MLXIP: variants seen among roughly 807,000 people sequenced by gnomAD.
MLXIP encodes the protein MLX-interacting protein.
MLXIP carries 30 observed loss-of-function variants against 87.2 expected under a neutral mutation model. The observed-to-expected ratio is 0.34, with a 90% CI of 0.26 to 0.47. MLXIP has a LOEUF of 0.47. Among genes scored for constraint, MLXIP ranks in the 20% least tolerant of loss-of-function variants. MLXIP has a pLI of 1.00. For missense variants in MLXIP, 1,002 were observed against 1,240.1 expected, an observed-to-expected ratio of 0.81 and a Z score of 2.88; for synonymous variants, 530 against 514.0, an observed-to-expected ratio of 1.03 and a Z score of -0.42.
intron 1 of MLXIP, among the ~76,000 whole-genome samples, chr12:122,086,373 G>A (rs897121946): frequency 2.0e-5 from 3 of 152,136 alleles, no homozygotes; most frequent in African/African-American, 7.2e-5. Flanking sequence ...GTGGGTCCTC[G>A]GCACCAGCGA....
At position 122,079,234 on chromosome 12, in the gene MLXIP, C is replaced by T. The variant is rs1249063543; in HGVS notation, c.381C>T (p.Thr127=). 3 of 1,551,224 alleles carry T rather than the reference C, an allele frequency of 1.9e-6. No individual in the cohort carries two copies. The highest frequency in any genetic ancestry group is 2.6e-6 in the Non-Finnish European group (3 of 1,146,792). ...ACCTGTCCATCGACGCCTCGCTCAC[C>T]AAGCTCTTCGAGTGCATGACTTTGG... ...SCHLSIDASL[T]KLFECMTLAY... is the part of the protein sequence containing the mutation. The change falls in exon 1 of 17, where the codon ACC becomes ACT. Residue 127 remains threonine, a synonymous_variant. Coordinates refer to ENST00000319080, the MANE Select transcript of MLXIP (RefSeq NM_014938.6).
intron 1 of MLXIP, among the ~76,000 whole-genome samples, chr12:122,084,428 G>T (rs1161330283): frequency 6.6e-6 from 1 of 152,208 alleles, no homozygotes; most frequent in Non-Finnish European, 1.5e-5. Context: ...CCTGGGGAAA[G>T]AGTCCAGGTG....
intron 5 of MLXIP, 155 bp from the exon 6 acceptor site, chr12:122,129,786 T>G (rs1593107111): frequency 5.5e-6 from 7 of 1,282,148 alleles, no homozygotes. Context: ...CTCTCCTGGG[T>G]GGGCTGGAGG....
At position 122,135,536 on chromosome 12, in the gene MLXIP, C is replaced by T. The variant is rs375153509; in HGVS notation, c.1902C>T (p.Leu634=). The T allele has an allele frequency of 6.4e-5, 103 of 1,607,354 alleles. No homozygotes were observed. In the African/African-American group the frequency reaches 1.2e-3, roughly 19 times the overall value. The part of the protein sequence containing the change: ...EFHSSILVTD[L]GHGTSSPPAP... ...ACAGCAGCATCCTGGTGACAGATCT[C>T]GGCCATGGCACGAGCAGCCCGCCTG... is the stretch of plus-strand genomic sequence containing the variant. Residue 634 remains leucine (L), a synonymous_variant, in exon 11 of 17, where the codon CTC becomes CTT. Coordinates refer to ENST00000319080, the MANE Select transcript of MLXIP (RefSeq NM_014938.6). This position sits in a 1 kb window ranked among gnomAD's most constrained non-coding sequence, Gnocchi z 5.3.
At chr12:122,130,704 AG>A in intron 6 of MLXIP, 139 bp from the exon 7 acceptor site, 1 of 649,154 alleles carries the variant, frequency 1.5e-6, no homozygotes, top group Non-Finnish European at 2.8e-6. Context: ...ACAAACCCTG[AG>A]AAGGTAGAAA....
At chr12:122,081,153 C>G (rs1952085612) in intron 1 of MLXIP, among the ~76,000 whole-genome samples, 2 of 151,986 alleles carry the variant, frequency 1.3e-5, no homozygotes, top group South Asian at 4.1e-4. Flanking sequence ...TTCTTGATTG[C>G]AAAATGCACC....
At position 122,135,340 on chromosome 12, in the gene MLXIP, G is replaced by A. The variant is rs966914121; in HGVS notation, c.1849G>A (p.Ala617Thr). ...SNVVIAPAAI[A>T]RAPGVPEFHS... Reference sequence around the variant, plus strand: ...CGTGGTCATTGCGCCTGCTGCCATCGCCAGGGTGAGGAGGGCCCTAGGCAG... The same window carrying A: ...CGTGGTCATTGCGCCTGCTGCCATCACCAGGGTGAGGAGGGCCCTAGGCAG... The change falls in exon 10 of 17, where the codon GCC becomes ACC. Residue 617 changes from alanine to threonine, a missense_variant. By Grantham distance (58) the Ala-to-Thr change is moderately conservative. This residue lies in a region of MLXIP where 746 missense variants were observed against 897.0 expected (regional missense o/e 0.83). Coordinates refer to ENST00000319080, the MANE Select transcript of MLXIP (RefSeq NM_014938.6). This position sits in a 1 kb window ranked among gnomAD's most constrained non-coding sequence, Gnocchi z 5.3. 3 of 1,612,610 alleles carry A rather than the reference G, an allele frequency of 1.9e-6. No individual in the cohort carries two copies. The highest frequency in any genetic ancestry group is 1.3e-5 in the African/African-American group (1 of 74,922).
intron 15 of MLXIP, among the ~76,000 whole-genome samples, chr12:122,140,435 T>TA (rs1953177372): frequency 6.6e-6 from 1 of 152,088 alleles, no homozygotes; most frequent in Non-Finnish European, 1.5e-5. Context: ...TAGCTGGGAT[T>TA]ATAGGCACCC....
At chr12:122,098,059 G>A (rs1210797169) in intron 1 of MLXIP, among the ~76,000 whole-genome samples, 2 of 152,262 alleles carry the variant, frequency 1.3e-5, no homozygotes, top group East Asian at 3.8e-4. Flanking sequence ...AGCTGGCAGG[G>A]CCTGTGTGGA....
intron 1 of MLXIP, among the ~76,000 whole-genome samples, chr12:122,117,533 C>T (rs576940053): frequency 6.6e-6 from 1 of 152,330 alleles, no homozygotes; most frequent in South Asian, 2.1e-4. Flanking sequence ...TCATTGAAAC[C>T]ACCTAATAAC....
At chr12:122,124,674 C>A (rs1007012469) in intron 1 of MLXIP, among the ~76,000 whole-genome samples, 42 of 151,458 alleles carry the variant, frequency 2.8e-4, no homozygotes, top group African/African-American at 1.0e-3. Flanking sequence ...TTGTTAAAAA[C>A]ATCATACCCT....
rs559224990 is a variant in MLXIP, at chr12:122,141,373, T to C, written c.2638+290T>C. ...CAGGTGTGTTTTCTTGTTTAATTCT[T>C]ATAACAACAAGCAAAGATTATCCCA... On this transcript the variant is annotated intron_variant, in intron 16 of 16. Transcript: ENST00000319080. Among the ~76,000 whole-genome samples the C allele has an allele frequency of 4.6e-5, 7 of 152,338 alleles. No individual in the cohort carries two copies. In the East Asian group the frequency reaches 1.4e-3, roughly 29 times the overall value.
chr12:122,119,146 C>T (rs997314712), intron 1 of MLXIP, among the ~76,000 whole-genome samples: 5 of 151,152 alleles, frequency 3.3e-5, no homozygotes, highest in Middle Eastern at 3.4e-3. Context: ...CCAGCCTGGG[C>T]GACAGAGTGA....
intron 11 of MLXIP, chr12:122,136,043 G>A (rs1336110925): frequency 3.5e-5 from 7 of 197,926 alleles, no homozygotes; most frequent in African/African-American, 4.7e-5. Context: ...CACAGAAGCC[G>A]TCCAGCCTCA....
chr12:122,093,190 ATGTC>A (rs1358708834), intron 1 of MLXIP, among the ~76,000 whole-genome samples: 6 of 115,430 alleles, frequency 5.2e-5, no homozygotes, highest in South Asian at 2.8e-4. Flanking sequence ...GTGGGGGTGG[ATGTC>A]TGTGTGTGGT....
At chr12:122,089,233 A>G (rs997219627) in intron 1 of MLXIP, among the ~76,000 whole-genome samples, 2 of 152,164 alleles carry the variant, frequency 1.3e-5, no homozygotes, top group African/African-American at 4.8e-5. Context: ...ATATGGTTAC[A>G]TGGTCACATG....
intron 1 of MLXIP, among the ~76,000 whole-genome samples, chr12:122,096,371 G>T (rs1490520841): frequency 6.6e-6 from 1 of 151,352 alleles, no homozygotes; most frequent in Non-Finnish European, 1.5e-5. Context: ...ATGTTTCTAG[G>T]CCCCTGTTCC....
chr12:122,101,778 A>G (rs150483509), intron 1 of MLXIP, among the ~76,000 whole-genome samples: 2,278 of 151,710 alleles, frequency 0.015, 45 homozygotes, highest in African/African-American at 0.053. Context: ...ACAGGGTTTC[A>G]CCATGTTAGT....
chr12:122,108,112 G>A (rs1952549142), intron 1 of MLXIP, among the ~76,000 whole-genome samples: 1 of 152,114 alleles, frequency 6.6e-6, no homozygotes, highest in African/African-American at 2.4e-5. Flanking sequence ...GTTCACACCT[G>A]TAATCCCAGC....
Sources: allele counts gnomAD v4.1 joint callset (sites outside exome capture counted in the v4.1 genomes callset), GRCh38; gene constraint gnomAD v4.1.1; regional missense constraint gnomAD v4.1.1; non-coding constraint Gnocchi (gnomAD v3.1); transcripts MANE v1.5; gene names NCBI Gene and HGNC (gene_info 2026-07-23, HGNC 2026-07-21).